RBFOX2: variants seen among roughly 807,000 people sequenced by gnomAD.
The protein encoded by RBFOX2 is RNA binding protein fox-1 homolog 2.
In RBFOX2, 10 loss-of-function variants were observed where a neutral mutation model predicts 49.1. The observed-to-expected ratio is 0.20, with a 90% CI of 0.13 to 0.35. The LOEUF (loss-of-function observed/expected upper bound fraction) is 0.35. Ranked by LOEUF, RBFOX2 falls within the 10% of genes least tolerant of loss-of-function variation. RBFOX2 has a pLI of 1.00. For missense variants in RBFOX2, 323 were observed against 486.9 expected (o/e 0.66, Z 3.17); for synonymous variants, 183 against 187.4 (o/e 0.98, Z 0.19).
chr22:35,842,106 A>T (rs1246663875), upstream of RBFOX2, among the ~76,000 whole-genome samples: 1 of 152,188 alleles, frequency 6.6e-6, no homozygotes, highest in Non-Finnish European at 1.5e-5. Flanking sequence ...CTGCCAATAC[A>T]ACATCATTAC....
At chr22:35,777,119 C>A (rs1944120099) in intron 4 of RBFOX2, among the ~76,000 whole-genome samples, 1 of 151,368 alleles carries the variant, frequency 6.6e-6, no homozygotes, top group African/African-American at 2.4e-5. Context: ...TCAAGTGATT[C>A]TCCTGCCTCA....
upstream of RBFOX2, among the ~76,000 whole-genome samples, chr22:35,843,534 T>C (rs565176562): frequency 6.6e-6 from 1 of 152,296 alleles, no homozygotes; most frequent in Non-Finnish European, 1.5e-5. Flanking sequence ...ACTGAAGACC[T>C]CCAAATCATG....
At chr22:35,897,347 A>T in intron 1 of RBFOX2, 1 of 1,336,400 alleles carries the variant, frequency 7.5e-7, no homozygotes, top group African/African-American at 1.4e-5. Flanking sequence ...GCAGCACCTC[A>T]ATGGCCTTGA....
Position 35,769,169 on chromosome 22 carries a change from T to C in RBFOX2, c.454-820A>G, listed in dbSNP as rs1941941771. On this transcript the variant is annotated intron_variant, in intron 4 of 11. Transcript: ENST00000405409. ...TGATGTTTATACCTGCTATTAAAGG[T>C]AGTAGTAACTTTCTATATATAGAGA... 2.0e-5 allele frequency among the ~76,000 whole-genome samples: 3 copies of C among 152,168 alleles called. No individual in the cohort carries two copies. The South Asian group carries it at 6.2e-4, about 31-fold the overall frequency.
exon 1 of RBFOX2, among the ~76,000 whole-genome samples, chr22:36,028,663 G>A (rs2059544849): frequency 6.7e-6 from 1 of 149,772 alleles, no homozygotes; most frequent in African/African-American, 2.4e-5. Context: ...GGCCACTGGC[G>A]GGTCGTGATG....
At chr22:35,790,014 G>T (rs1226395288) in intron 2 of RBFOX2, among the ~76,000 whole-genome samples, 1 of 152,104 alleles carries the variant, frequency 6.6e-6, no homozygotes, top group Admixed American at 6.5e-5. Flanking sequence ...GAGCAAGTCA[G>T]GTTCTTCAAA....
chr22:35,992,695 T>C (rs1307681940), intron 1 of RBFOX2: 1 of 152,224 alleles, frequency 6.6e-6, no homozygotes, highest in Non-Finnish European at 1.5e-5. Context: ...TTATGTCTCC[T>C]GGGTCATTTA....
At chr22:35,992,419 T>C (rs555675957) in intron 1 of RBFOX2, 1 of 152,316 alleles carries the variant, frequency 6.6e-6, no homozygotes, top group South Asian at 2.1e-4. Flanking sequence ...TTTAAGTCTC[T>C]GTCCAAGGCA....
At chr22:35,855,842 T>C (rs113928902) in intron 1 of RBFOX2, among the ~76,000 whole-genome samples, 33,538 of 149,694 alleles carry the variant, frequency 0.22, 5,769 homozygotes, top group African/African-American at 0.48. Context: ...CTGGGCAACA[T>C]GGCAAAGCTC....
intron 1 of RBFOX2, among the ~76,000 whole-genome samples, chr22:35,900,080 G>T (rs5755980): frequency 0.22 from 33,618 of 152,092 alleles, 5,790 homozygotes; most frequent in African/African-American, 0.48. Context: ...CATTTTAGAT[G>T]CTCTGCCTCT....
At position 35,977,727 on chromosome 22, in the gene RBFOX2, T is replaced by TATATATAG. The variant is rs1569517043; in HGVS notation, c.187-38831_187-38830insCTATATAT. On this transcript the variant is annotated intron_variant, in intron 1 of 13. Transcript: ENST00000438146. ...GTAAATTATACCTGAATGAACTATA[T>TATATATAG]ATATATATATATATATATATATATA... is the stretch of plus-strand genomic sequence containing the variant. 5.0e-3 allele frequency among the ~76,000 whole-genome samples: 59 copies of TATATATAG among 11,882 alleles called. 2 individuals carry two copies. Among genetic ancestry groups the TATATATAG allele is most frequent in the African/African-American group, 0.012 (59 of 5,038 alleles). 7.8% of individuals were successfully genotyped at this position (11,882 alleles called of 152,430 possible).
chr22:35,971,133 C>T (rs1170569488), intron 1 of RBFOX2, among the ~76,000 whole-genome samples: 3 of 151,974 alleles, frequency 2.0e-5, no homozygotes, highest in South Asian at 2.1e-4. Context: ...GGTGGGAAAA[C>T]GGCCAAATTC....
intron 1 of RBFOX2, among the ~76,000 whole-genome samples, chr22:35,945,768 G>A (rs9306305): frequency 0.025 from 3,730 of 152,182 alleles, 168 homozygotes; most frequent in African/African-American, 0.085. Context: ...TGACCACAGG[G>A]CGTCATTCTG....
chr22:36,026,545 C>CATACACAT (rs68181005), intron 1 of RBFOX2, among the ~76,000 whole-genome samples: 1 of 116,928 alleles, frequency 8.6e-6, no homozygotes, highest in African/African-American at 4.5e-5. Context: ...AATACATACA[C>CATACACAT]ACACACACAC....
At chr22:35,775,855 A>G (rs1000528697) in intron 4 of RBFOX2, among the ~76,000 whole-genome samples, 2 of 151,208 alleles carry the variant, frequency 1.3e-5, no homozygotes, top group African/African-American at 2.4e-5. Context: ...AAAAAAAAAA[A>G]AAAAAAGAAA....
At chr22:35,840,042 G>T in intron 1 of RBFOX2, 1 of 1,091,714 alleles carries the variant, frequency 9.2e-7, no homozygotes, top group Non-Finnish European at 1.4e-6. Flanking sequence ...GGACTCAACA[G>T]ACACAGACTT....
intron 1 of RBFOX2, among the ~76,000 whole-genome samples, chr22:35,868,341 T>C (rs752992048): frequency 7.9e-5 from 12 of 152,216 alleles, no homozygotes; most frequent in Non-Finnish European, 1.6e-4. Context: ...CCAATACTAA[T>C]ATGTAGAACC....
intron 4 of RBFOX2, among the ~76,000 whole-genome samples, chr22:35,772,802 G>A (rs1180849623): frequency 1.3e-5 from 2 of 152,094 alleles, no homozygotes; most frequent in African/African-American, 2.4e-5. Flanking sequence ...CCAAGTAACT[G>A]TCACCTTTTT....
chr22:35,805,801 AGAAAT>A (rs1950627168), intron 2 of RBFOX2, among the ~76,000 whole-genome samples: 1 of 152,234 alleles, frequency 6.6e-6, no homozygotes, highest in South Asian at 2.1e-4. Flanking sequence ...GTGCTGAAAA[AGAAAT>A]GAACTATTAG....
Sources: allele counts gnomAD v4.1 joint callset (sites outside exome capture counted in the v4.1 genomes callset), GRCh38; gene constraint gnomAD v4.1.1; transcripts MANE v1.5; gene names NCBI Gene and HGNC (gene_info 2026-07-23, HGNC 2026-07-21).